CHRM5: variants seen among roughly 807,000 people sequenced by gnomAD.
The protein encoded by CHRM5 is cholinergic receptor muscarinic 5, also known as muscarinic acetylcholine receptor M5.
Under a neutral mutation model 39.0 loss-of-function variants are expected in CHRM5, and 18 were observed. The ratio of observed to expected loss-of-function variants is 0.46; its 90% CI spans 0.32 to 0.68. CHRM5 has a LOEUF of 0.68. Ranked by LOEUF, CHRM5 falls within the 30% of genes least tolerant of loss-of-function variation. The probability of loss-of-function intolerance (pLI) is 0.04; values close to 1 mark genes in which losing one functional copy is unlikely to be tolerated. For missense variants in CHRM5, 515 were observed against 651.1 expected (o/e 0.79, Z 2.28); for synonymous variants, 241 against 246.3 (o/e 0.98, Z 0.20).
At chr15:34,000,055 A>G (rs1348474722) in intron 1 of CHRM5, among the ~76,000 whole-genome samples, 4 of 152,012 alleles carry the variant, frequency 2.6e-5, no homozygotes, top group Non-Finnish European at 5.9e-5. Flanking sequence ...AAAGCCTTTG[A>G]GCTTGCTATT....
chr15:34,038,897 G>A (rs1899311628), intron 1 of CHRM5: 1 of 1,132,024 alleles, frequency 8.8e-7, no homozygotes, highest in Non-Finnish European at 1.1e-6. Context: ...CACGGCCCCG[G>A]CGTCCGCCTC....
rs934080748 is a variant in CHRM5, at chr15:34,002,952, A to C, written c.-408+33802A>C. 6.3e-6 allele frequency: 8 copies of C among 1,262,360 alleles called. No individual in the cohort carries two copies. The East Asian group carries it at 1.9e-4, about 30-fold the overall frequency. 78.2% of individuals were successfully genotyped at this position (1,262,360 alleles called of 1,614,324 possible). A position where few individuals can be genotyped will look rare whatever the true frequency, so the allele number is the denominator to read the frequency against. Reference sequence around the variant, plus strand: ...CAAAGGATAAATTGCTAGTTATAAAAGTAGAATTTAAAAACATATATAAAA... The same window carrying C: ...CAAAGGATAAATTGCTAGTTATAAACGTAGAATTTAAAAACATATATAAAA... On this transcript the variant is annotated intron_variant, in intron 1 of 2. Transcript: ENST00000383263.
At chr15:33,972,923 A>G (rs1895703879) in intron 1 of CHRM5, among the ~76,000 whole-genome samples, 1 of 152,200 alleles carries the variant, frequency 6.6e-6, no homozygotes, top group African/African-American at 2.4e-5. Context: ...ATTACAAGTC[A>G]AGCTGAAGTC....
At chr15:33,976,599 A>C (rs192873540) in intron 1 of CHRM5, among the ~76,000 whole-genome samples, 1 of 152,204 alleles carries the variant, frequency 6.6e-6, no homozygotes, top group South Asian at 2.1e-4. Flanking sequence ...TAAAATTTAT[A>C]TATCTTTATT....
intron 1 of CHRM5, among the ~76,000 whole-genome samples, chr15:33,997,996 A>G (rs1292837645): frequency 6.6e-6 from 1 of 152,094 alleles, no homozygotes. Context: ...TTCCTTGACA[A>G]CTATTTCTTA....
In CHRM5 at chr15:34,065,263, T is replaced by C. The variant is rs1900480301; in HGVS notation, c.*947T>C. On this transcript the variant is annotated 3_prime_UTR_variant, in exon 3 of 3. Coordinates refer to ENST00000383263, the MANE Select transcript of CHRM5 (RefSeq NM_012125.4). The stretch of plus-strand genomic sequence containing the variant: ...TTTTCTCCAGGCTGTTGAATTAAGG[T>C]TCTTATATTGTTTTCAGAGATCTTG... The C allele has an allele frequency of 6.6e-6, 1 of 152,206 alleles. No individual in the cohort carries two copies. 9.4% of individuals were successfully genotyped at this position (152,206 alleles called of 1,614,324 possible).
chr15:34,008,950 G>GCACACACA (rs1491109996), intron 1 of CHRM5, among the ~76,000 whole-genome samples: 1 of 23,504 alleles, frequency 4.3e-5, no homozygotes, highest in Non-Finnish European at 3.8e-4. Flanking sequence ...ACACGTGCGC[G>GCACACACA]CGCGCACACA....
intron 1 of CHRM5, among the ~76,000 whole-genome samples, chr15:33,976,927 G>A (rs1327481739): frequency 6.6e-6 from 1 of 152,114 alleles, no homozygotes; most frequent in East Asian, 1.9e-4. Context: ...CATCCTGGAT[G>A]GAAGTAAAAT....
intron 1 of CHRM5, among the ~76,000 whole-genome samples, chr15:33,994,521 G>A (rs777899394): frequency 5.3e-5 from 8 of 152,172 alleles, no homozygotes; most frequent in Non-Finnish European, 8.8e-5. Flanking sequence ...ACCCTGGTCT[G>A]TGGAAAAATT....
In CHRM5 at chr15:33,970,747, G is replaced by C. The variant is rs188942504; in HGVS notation, c.-408+1597G>C. On this transcript the variant is annotated intron_variant, in intron 1 of 2. Coordinates refer to ENST00000383263, the MANE Select transcript of CHRM5 (RefSeq NM_012125.4). ...CTTCCAATAAATGGAATTAAAGGGGGCAGATAACAATATTCCTTAAGTGTT... is the reference window on the plus strand; with the variant it reads ...CTTCCAATAAATGGAATTAAAGGGGCCAGATAACAATATTCCTTAAGTGTT... 5.9e-5 allele frequency among the ~76,000 whole-genome samples: 9 copies of C among 151,998 alleles called. No individual in the cohort carries two copies. The East Asian group carries it at 1.7e-3, about 29-fold the overall frequency.
At chr15:34,062,584 A>G (rs1900376842) in intron 2 of CHRM5, 59 bp from the exon 3 acceptor site, 5 of 813,508 alleles carry the variant, frequency 6.1e-6, no homozygotes, top group Middle Eastern at 2.3e-4. Flanking sequence ...ACTATAAACA[A>G]TGGATGGACA....
intron 1 of CHRM5, among the ~76,000 whole-genome samples, chr15:33,973,183 T>C (rs541215642): frequency 1.3e-5 from 2 of 152,342 alleles, no homozygotes; most frequent in African/African-American, 4.8e-5. Flanking sequence ...TCAGACTACG[T>C]GGGCCTTCTT....
chr15:34,053,313 AAAAAAAATATAT>A (rs1020532747), intron 2 of CHRM5, among the ~76,000 whole-genome samples: 3 of 94,614 alleles, frequency 3.2e-5, no homozygotes, highest in African/African-American at 1.3e-4. Flanking sequence ...AAAAAAAAAA[AAAAAAAATATAT>A]ATATATATAT....
At chr15:34,054,635 G>A (rs1173146384) in intron 2 of CHRM5, among the ~76,000 whole-genome samples, 2 of 152,160 alleles carry the variant, frequency 1.3e-5, no homozygotes, top group African/African-American at 2.4e-5. Context: ...TGAATGATGA[G>A]AGAACACAAG....
At chr15:34,009,246 A>G (rs142664887) in intron 1 of CHRM5, among the ~76,000 whole-genome samples, 40 of 152,376 alleles carry the variant, frequency 2.6e-4, no homozygotes, top group African/African-American at 9.4e-4. Flanking sequence ...GGCCCACCTT[A>G]CAAGATACAC....
intron 1 of CHRM5, among the ~76,000 whole-genome samples, chr15:33,983,190 G>A (rs1896251768): frequency 1.8e-5 from 2 of 110,452 alleles, no homozygotes; most frequent in Admixed American, 9.9e-5. Context: ...ACACGTGTGT[G>A]TATGTGTGTG....
intron 1 of CHRM5, among the ~76,000 whole-genome samples, chr15:33,998,816 T>C (rs1567457844): frequency 6.6e-6 from 1 of 152,208 alleles, no homozygotes; most frequent in Non-Finnish European, 1.5e-5. Flanking sequence ...TGCTGGTCTC[T>C]TCTCTTTCCC....
At chr15:34,036,077 C>A (rs1054827002) in intron 1 of CHRM5, among the ~76,000 whole-genome samples, 1 of 151,468 alleles carries the variant, frequency 6.6e-6, no homozygotes, top group South Asian at 2.1e-4. Flanking sequence ...ATTACAAGCG[C>A]GAGCCACCAC....
chr15:34,006,310 C>CAAAA (rs796228574), intron 1 of CHRM5, among the ~76,000 whole-genome samples: 1 of 121,380 alleles, frequency 8.2e-6, no homozygotes. Flanking sequence ...GACTCCGTCT[C>CAAAA]AAAAAAAAAA....
Sources: allele counts gnomAD v4.1 joint callset (sites outside exome capture counted in the v4.1 genomes callset), GRCh38; gene constraint gnomAD v4.1.1; transcripts MANE v1.5; gene names NCBI Gene and HGNC (gene_info 2026-07-23, HGNC 2026-07-21).